The following GALK1 variants were observed in gnomAD, a reference collection of about 807,000 sequenced individuals.
GALK1 encodes the protein galactokinase 1.
In GALK1, 30 loss-of-function variants were observed where a neutral mutation model predicts 38.6. That is an observed-to-expected ratio of 0.78 (90% confidence interval 0.58 to 1.05). The LOEUF is 1.05. Among genes scored for constraint, GALK1 ranks in the 50% least tolerant of loss-of-function variants. GALK1 has a pLI of 0.00. For synonymous variants in GALK1, 240 were observed against 233.6 expected (o/e 1.03, Z -0.25); for missense variants, 512 against 540.5 (o/e 0.95, Z 0.52).
chr17:75,754,477 C>G, downstream of GALK1: 1 of 1,519,012 alleles, frequency 6.6e-7, no homozygotes, highest in Non-Finnish European at 9.1e-7. Flanking sequence ...CAAAAGCCAC[C>G]CAGAGGGTGG....
At position 75,763,907 on chromosome 17, in the gene GALK1, C is replaced by T. The variant is rs748888762; in HGVS notation, c.345G>A (p.Gln115=). 1.9e-6 allele frequency: 3 copies of T among 1,613,926 alleles called. No homozygotes were observed. Among genetic ancestry groups the T allele is most frequent in the Non-Finnish European group, 2.5e-6 (3 of 1,179,998 alleles). ...RWANYVKGVI[Q]YYPAAPLPGF... ...GCCTGGGCCCCATACCTGGGTAGTACTGAATCACTCCCTTGACATAGTTGG... is the reference window on the plus strand; with the variant it reads ...GCCTGGGCCCCATACCTGGGTAGTATTGAATCACTCCCTTGACATAGTTGG... The change falls in exon 2 of 8, where the codon CAG becomes CAA. Residue 115 remains glutamine, a synonymous_variant. Transcript: ENST00000588479.
At chr17:75,754,849 T>C (rs377105549), downstream of GALK1, 421 of 1,613,516 alleles carry the variant, frequency 2.6e-4, no homozygotes, top group Non-Finnish European at 3.5e-4. Flanking sequence ...CCTCTCCCAC[T>C]AACCCTTCCT....
intron 5 of GALK1, among the ~76,000 whole-genome samples, chr17:75,759,315 C>G (rs2061575329): frequency 1.3e-5 from 2 of 151,960 alleles, no homozygotes; most frequent in South Asian, 4.1e-4. Context: ...GTAATCGCAG[C>G]TACTCAGGAG....
At chr17:75,760,014 G>A (rs1205394597) in intron 5 of GALK1, among the ~76,000 whole-genome samples, 1 of 152,188 alleles carries the variant, frequency 6.6e-6, no homozygotes, top group East Asian at 1.9e-4. Flanking sequence ...GGAATTAAAT[G>A]AGCTAATATT....
chr17:75,752,631 T>G, intron 8 of GALK1: 1 of 1,607,218 alleles, frequency 6.2e-7, no homozygotes, highest in Non-Finnish European at 8.5e-7. Flanking sequence ...GGGTACAGAG[T>G]GAGTCCACTG....
rs373041566 is a variant in GALK1, at chr17:75,758,083, G to A, written c.1152C>T (p.Ala384=). Residue 384 remains alanine (A), a synonymous_variant, in exon 8 of 8, where the codon GCC becomes GCT. Transcript: ENST00000588479. The part of the protein sequence containing the change: ...GTATFYLSQA[A]DGAKVLCL The stretch of plus-strand genomic sequence containing the variant: ...ACAAGCACAGCACCTTGGCTCCATC[G>A]GCTGCTTGAGAGAGGTAGAAGGTGG... 35 of 1,612,366 alleles carry A rather than the reference G, an allele frequency of 2.2e-5. No individual in the cohort carries two copies. The highest frequency in any genetic ancestry group is 8.3e-5 in the Admixed American group (5 of 60,002).
chr17:75,753,614 G>T, downstream of GALK1: 1 of 457,300 alleles, frequency 2.2e-6, no homozygotes. Context: ...CGCTCCGGCC[G>T]TGCGCATCTA....
intron 1 of GALK1, 94 bp from the exon 2 acceptor site, chr17:75,764,180 C>A: frequency 8.7e-7 from 1 of 1,145,634 alleles, no homozygotes; most frequent in Non-Finnish European, 1.3e-6. Flanking sequence ...GATGCCTCCA[C>A]AGTCATCAGG....
At chr17:75,755,456 G>C (rs901515593), downstream of GALK1, among the ~76,000 whole-genome samples, 1 of 152,190 alleles carries the variant, frequency 6.6e-6, no homozygotes, top group African/African-American at 2.4e-5. Context: ...GAGCAGTTGA[G>C]GGGGTGGGGC....
intron 5 of GALK1, among the ~76,000 whole-genome samples, chr17:75,761,570 T>C (rs1012004490): frequency 2.7e-5 from 4 of 145,780 alleles, no homozygotes; most frequent in African/African-American, 1.0e-4. Context: ...TGAGCCGAGA[T>C]TGCGCCACTG....
Position 75,752,432 on chromosome 17 carries a change from C to G in GALK1, c.*23-695G>C. 6.2e-7 allele frequency: 1 copy of G among 1,613,146 alleles called. No homozygotes were observed. The highest frequency in any genetic ancestry group is 8.5e-7 in the Non-Finnish European group (1 of 1,179,900). On this transcript the variant is annotated intron_variant, in intron 8 of 8. Coordinates refer to the GALK1 transcript ENST00000225614. ...GCAGCAGCCAGGGCCCTGGCTCACT[C>G]CCCTGCCCTGCAGTCCCCATCATCC...
downstream of GALK1, chr17:75,754,604 T>A: frequency 6.2e-7 from 1 of 1,613,824 alleles, no homozygotes; most frequent in Admixed American, 1.7e-5. Flanking sequence ...GGATGGACTT[T>A]GCCTTCCCGG....
downstream of GALK1, chr17:75,756,759 C>T (rs2061516302): frequency 6.2e-7 from 1 of 1,613,048 alleles, no homozygotes; most frequent in South Asian, 1.1e-5. Context: ...TGTTCACTGC[C>T]CTGAGCCCAG....
chr17:75,751,524 G>A (rs1411925230), downstream of GALK1: 1 of 276,986 alleles, frequency 3.6e-6, no homozygotes, highest in African/African-American at 2.2e-5. Context: ...GCCGAGGCAG[G>A]TGGACTGCTT....
chr17:75,757,297 G>C, downstream of GALK1: 1 of 1,612,156 alleles, frequency 6.2e-7, no homozygotes, highest in South Asian at 1.1e-5. Context: ...GCGCCACCGA[G>C]CCCTTCCTAG....
chr17:75,756,986 C>T (rs761355370), downstream of GALK1: 3 of 1,612,810 alleles, frequency 1.9e-6, no homozygotes, highest in Admixed American at 3.3e-5. Context: ...GCCCCGAGAG[C>T]CGGCTGACCG....
At chr17:75,761,348 G>A (rs1324695297) in intron 5 of GALK1, among the ~76,000 whole-genome samples, 1 of 151,790 alleles carries the variant, frequency 6.6e-6, no homozygotes, top group Non-Finnish European at 1.5e-5. Context: ...GAGGCCAGGT[G>A]CAGTGGCTCA....
At chr17:75,760,313 G>A (rs1005753456) in intron 5 of GALK1, among the ~76,000 whole-genome samples, 2 of 151,846 alleles carry the variant, frequency 1.3e-5, no homozygotes, top group Non-Finnish European at 2.9e-5. Flanking sequence ...GGCTGGTCTC[G>A]AATTCCTGAG....
chr17:75,756,857 G>A, downstream of GALK1: 1 of 1,612,332 alleles, frequency 6.2e-7, no homozygotes, highest in South Asian at 1.1e-5. Flanking sequence ...GCCCAAGGAG[G>A]AGGTGCTGCC....
Sources: allele counts gnomAD v4.1 joint callset (sites outside exome capture counted in the v4.1 genomes callset), GRCh38; gene constraint gnomAD v4.1.1; transcripts MANE v1.5; gene names NCBI Gene and HGNC (gene_info 2026-07-23, HGNC 2026-07-21).